CYP3A4: variants seen among roughly 807,000 people sequenced by gnomAD.
CYP3A4 encodes the protein cytochrome P450 3A4.
CYP3A4 carries 41 observed loss-of-function variants against 54.9 expected under a neutral mutation model. That is an observed-to-expected ratio of 0.75 (90% CI 0.58 to 0.97). The LOEUF (loss-of-function observed/expected upper bound fraction) is 0.97. Among genes scored for constraint, CYP3A4 ranks in the 50% least tolerant of loss-of-function variants. The pLI, the probability that CYP3A4 is intolerant of heterozygous loss-of-function variation, is 0.00. For synonymous variants in CYP3A4, 179 were observed against 205.2 expected, an observed-to-expected ratio of 0.87 and a Z score of 1.09; for missense variants, 510 against 597.3, an observed-to-expected ratio of 0.85 and a Z score of 1.52.
intron 3 of CYP3A4, among the ~76,000 whole-genome samples, chr7:99,777,138 A>G (rs1815790315): frequency 6.6e-6 from 1 of 152,212 alleles, no homozygotes; most frequent in Non-Finnish European, 1.5e-5. Context: ...TCTAAATGAA[A>G]GAGTTTTGGC....
At chr7:99,764,066 C>T in intron 9 of CYP3A4, 51 bp from the exon 10 acceptor site, 1 of 1,611,682 alleles carries the variant, frequency 6.2e-7, no homozygotes, top group Non-Finnish European at 8.5e-7. Flanking sequence ...TGTAGGGCAT[C>T]ACAGTTTAGA....
chr7:99,784,019 G>A lies in CYP3A4; in HGVS notation c.63C>T (p.Leu21=), dbSNP rs1456721996. 1.3e-5 allele frequency: 21 copies of A among 1,613,790 alleles called. No homozygotes were observed. The highest frequency in any genetic ancestry group is 1.8e-5 in the Non-Finnish European group (21 of 1,179,836). The change falls in exon 1 of 13, where the codon CTC becomes CTT. Residue 21 remains leucine (L), a synonymous_variant. Coordinates refer to ENST00000651514, the MANE Select transcript of CYP3A4 (RefSeq NM_017460.6). ...CCTGGACAGTTACTCACAGATAGAG[G>A]AGCACCAGGCTGACAGCCAGGAGAA... The part of the protein sequence containing the change: ...TWLLLAVSLV[L]LYLYGTHSHG...
In CYP3A4 at chr7:99,783,993, G is replaced by T. The variant is rs1331612552; in HGVS notation, c.71+18C>A. On this transcript the variant is annotated intron_variant, in intron 1 of 12. Coordinates refer to ENST00000651514, the MANE Select transcript of CYP3A4 (RefSeq NM_017460.6). ...AAGTCCAAGGAAACAGAGAAGAGGAGCCTGGACAGTTACTCACAGATAGAG... is the reference window on the plus strand; with the variant it reads ...AAGTCCAAGGAAACAGAGAAGAGGATCCTGGACAGTTACTCACAGATAGAG... 1.9e-6 allele frequency: 3 copies of T among 1,612,572 alleles called. No homozygotes were observed. In the Admixed American group the frequency reaches 5.0e-5, roughly 27 times the overall value.
chr7:99,766,540 G>A, intron 8 of CYP3A4, 97 bp from the exon 9 acceptor site: 1 of 1,449,158 alleles, frequency 6.9e-7, no homozygotes, highest in South Asian at 1.2e-5. Flanking sequence ...TGAGAATATG[G>A]CTCCTTGAAG....
intron 3 of CYP3A4, 71 bp downstream of exon 3, chr7:99,777,957 T>C: frequency 1.6e-6 from 2 of 1,231,122 alleles, no homozygotes; most frequent in South Asian, 2.5e-5. Context: ...GGGCTGAGAC[T>C]GTCCTCTGTG....
chr7:99,769,008 T>G (rs184987607), intron 6 of CYP3A4, among the ~76,000 whole-genome samples: 56 of 152,318 alleles, frequency 3.7e-4, no homozygotes, highest in African/African-American at 1.1e-3. Flanking sequence ...TACTCCCTGC[T>G]CAAGCTTTGG....
chr7:99,762,648 A>G (rs1244290508), intron 10 of CYP3A4, among the ~76,000 whole-genome samples: 2 of 152,160 alleles, frequency 1.3e-5, no homozygotes, highest in Non-Finnish European at 2.9e-5. Context: ...GTGGAGAGAA[A>G]CACTATATTA....
chr7:99,769,895 C>G (rs1056147918), intron 5 of CYP3A4, 39 bp from the exon 6 acceptor site: 6 of 1,613,388 alleles, frequency 3.7e-6, no homozygotes, highest in African/African-American at 1.3e-5. Context: ...GTTAAATGTG[C>G]AGACTCTAGT....
intron 3 of CYP3A4, among the ~76,000 whole-genome samples, chr7:99,776,410 T>C (rs1214507942): frequency 5.9e-5 from 9 of 152,162 alleles, no homozygotes; most frequent in Admixed American, 1.3e-4. Flanking sequence ...ATTGCAGAAC[T>C]ATTCACAATA....
intron 10 of CYP3A4, among the ~76,000 whole-genome samples, chr7:99,762,787 GA>G (rs1815373777): frequency 6.6e-6 from 1 of 152,138 alleles, no homozygotes; most frequent in African/African-American, 2.4e-5. Context: ...AAAGAGGATA[GA>G]ACCCCACACA....
At chr7:99,772,769 G>T in intron 3 of CYP3A4, 80 bp from the exon 4 acceptor site, 1 of 1,421,640 alleles carries the variant, frequency 7.0e-7, no homozygotes, top group South Asian at 1.2e-5. Flanking sequence ...GCCAGACTTT[G>T]ATCCTGACTT....
At position 99,767,189 on chromosome 7, in the gene CYP3A4, T is replaced by A. The variant is rs1231559686; in HGVS notation, c.740A>T (p.Asn247Ile). Residue 247 changes from asparagine to isoleucine, a missense_variant, in exon 8 of 13, where the codon AAT becomes ATT. By Grantham distance (149) the Asn-to-Ile change is moderately radical. Transcript: ENST00000651514. ...CCTTTTTACAGATTTTCTTAAAAAA[T>A]TTGTAACTTCTCTTGGAAACACACA... ...NICVFPREVT[N>I]FLRKSVKRMK... 3.9e-5 allele frequency: 63 copies of A among 1,612,044 alleles called. No individual in the cohort carries two copies. The highest frequency in any genetic ancestry group is 5.3e-5 in the Non-Finnish European group (63 of 1,178,812).
At position 99,758,209 on chromosome 7, in the gene CYP3A4, A is replaced by T. The variant is rs1350383629; in HGVS notation, c.1436T>A (p.Leu479Ter). Residue 479 changes from leucine (L) to a stop codon, truncating the protein, a stop_gained, in exon 13 of 13, where the codon TTA becomes TAA. Coordinates refer to ENST00000651514, the MANE Select transcript of CYP3A4 (RefSeq NM_017460.6). LOFTEE classifies it low-confidence loss of function (END_TRUNC). Reference sequence around the variant, plus strand: ...TTTTTCTGGTTGAAGAAGTCCTCCTAAGCTTAATTTCAGGGGGATCTGCAA... The same window carrying T: ...TTTTTCTGGTTGAAGAAGTCCTCCTTAGCTTAATTTCAGGGGGATCTGCAA... ...KETQIPLKLS[L>*]GGLLQPEKPV... 4 of 1,613,776 alleles carry T rather than the reference A, an allele frequency of 2.5e-6. No homozygotes were observed. The highest frequency in any genetic ancestry group is 3.4e-6 in the Non-Finnish European group (4 of 1,179,882).
Position 99,760,990 on chromosome 7 carries a change from A to G in CYP3A4, c.1254-9T>C. Reference sequence around the variant, plus strand: ...TGTTCTTCTTGCTGAATCTGGTTCCACGTTGGTAGATTTTTAAAAAGTTAA... The same window carrying G: ...TGTTCTTCTTGCTGAATCTGGTTCCGCGTTGGTAGATTTTTAAAAAGTTAA... On this transcript the variant is annotated splice_polypyrimidine_tract_variant and intron_variant, in intron 11 of 12. Coordinates refer to ENST00000651514, the MANE Select transcript of CYP3A4 (RefSeq NM_017460.6). 6.2e-7 allele frequency: 1 copy of G among 1,611,746 alleles called. No individual in the cohort carries two copies. The highest frequency in any genetic ancestry group is 1.1e-5 in the South Asian group (1 of 90,500).
Position 99,763,979 on chromosome 7 carries a change from ATAAT to A in CYP3A4, c.898_901del (p.Ile300SerfsTer60), listed in dbSNP as rs1199476472. The A allele has an allele frequency of 6.2e-7, 1 of 1,613,922 alleles. No individual in the cohort carries two copies. The highest frequency in any genetic ancestry group is 8.5e-7 in the Non-Finnish European group (1 of 1,179,946). On this transcript the variant is annotated frameshift_variant, in exon 10 of 13. Coordinates refer to ENST00000651514, the MANE Select transcript of CYP3A4 (RefSeq NM_017460.6). LOFTEE classifies it high-confidence loss of function. ...GGTTTCATAGCCAGCAAAAATAAAG[ATAAT>A]TGATTGGGCCACGAGCTCCAGATCG... is the stretch of plus-strand genomic sequence containing the variant.
rs567591221 is a variant in CYP3A4 at position 99,775,500 on chromosome 7, A to T, written c.218+2528T>A. On this transcript the variant is annotated intron_variant, in intron 3 of 12. Coordinates refer to ENST00000651514, the MANE Select transcript of CYP3A4 (RefSeq NM_017460.6). ...TACAGGTACCAAAACAGAAATATAGATCAATGGAACAGAACAGAGGCCTCA... is the reference window on the plus strand; with the variant it reads ...TACAGGTACCAAAACAGAAATATAGTTCAATGGAACAGAACAGAGGCCTCA... Among the ~76,000 whole-genome samples the T allele has an allele frequency of 2.6e-4, 39 of 152,312 alleles. No homozygotes were observed. The South Asian group carries it at 7.3e-3, about 28-fold the overall frequency.
At chr7:99,764,128 A>C in intron 9 of CYP3A4, 113 bp from the exon 10 acceptor site, 1 of 1,498,402 alleles carries the variant, frequency 6.7e-7, no homozygotes, top group Non-Finnish European at 9.1e-7. Flanking sequence ...AAGAATAGAA[A>C]AGCAATTCAG....
At position 99,783,991 on chromosome 7, in the gene CYP3A4, G is replaced by A. The variant is rs1173029322; in HGVS notation, c.71+20C>T. The A allele has an allele frequency of 1.2e-6, 2 of 1,612,192 alleles. No homozygotes were observed. Among genetic ancestry groups the A allele is most frequent in the Admixed American group, 1.7e-5 (1 of 59,960 alleles). ...CCAAGTCCAAGGAAACAGAGAAGAG[G>A]AGCCTGGACAGTTACTCACAGATAG... is the stretch of plus-strand genomic sequence containing the variant. On this transcript the variant is annotated intron_variant, in intron 1 of 12. Transcript: ENST00000651514.
rs28988575 is a variant in CYP3A4, at chr7:99,782,165, T to C, written c.71+1846A>G. Among the ~76,000 whole-genome samples the C allele has an allele frequency of 2.5e-3, 376 of 152,340 alleles. 2 individuals are homozygous for C. Among genetic ancestry groups the C allele is most frequent in the African/African-American group, 8.6e-3 (358 of 41,580 alleles). On this transcript the variant is annotated intron_variant, in intron 1 of 12. Coordinates refer to ENST00000651514, the MANE Select transcript of CYP3A4 (RefSeq NM_017460.6). ...GACACTAATCTCTGCTTCTAAACTTTCTACAAGTTACATGACCTCTCAGGC... is the reference window on the plus strand; with the variant it reads ...GACACTAATCTCTGCTTCTAAACTTCCTACAAGTTACATGACCTCTCAGGC...
Sources: gnomAD v4.1 joint callset for allele counts (sites outside exome capture counted in the v4.1 genomes callset) on GRCh38, gnomAD v4.1.1 for gene constraint, MANE v1.5 for transcripts, NCBI Gene and HGNC (gene_info 2026-07-23, HGNC 2026-07-21) for gene names.